SMARCA5: variants seen among roughly 807,000 people sequenced by gnomAD.
SMARCA5 encodes SNF2 related chromatin remodeling ATPase 5.
SMARCA5 carries 18 observed loss-of-function variants against 140.4 expected under a neutral mutation model. That is an observed-to-expected ratio of 0.13 (90% confidence interval 0.09 to 0.19). SMARCA5 has a LOEUF of 0.19. SMARCA5 is among the 10% of genes least tolerant of loss of function. SMARCA5 has a pLI of 1.00. For missense variants in SMARCA5, 606 were observed against 1,276.8 expected, an observed-to-expected ratio of 0.47 and a Z score of 8.01; for synonymous variants, 449 against 419.6, an observed-to-expected ratio of 1.07 and a Z score of -0.86.
At position 143,553,511 on chromosome 4, in the gene SMARCA5, T is replaced by TA. The variant is rs1286684650; in HGVS notation, c.*332dup. The TA allele has an allele frequency of 2.3e-5, 5 of 213,050 alleles. No individual in the cohort carries two copies. Among genetic ancestry groups the TA allele is most frequent in the Non-Finnish European group, 2.8e-5 (3 of 106,878 alleles). 13.2% of individuals were successfully genotyped at this position (213,050 alleles called of 1,614,324 possible). On this transcript the variant is annotated 3_prime_UTR_variant, in exon 24 of 24. Transcript: ENST00000283131. ...CTATAATTTCTACACTTGTAAGGCT[T>TA]AAAAACAAGTTAAAAAGAAAATTGC...
chr4:143,516,762 G>A (rs1222917414), intron 1 of SMARCA5, among the ~76,000 whole-genome samples: 2 of 152,154 alleles, frequency 1.3e-5, no homozygotes, highest in Non-Finnish European at 2.9e-5. Flanking sequence ...GAACTTTGCA[G>A]TGTAGAAGTT....
chr4:143,538,475 G>GGTCGTCGTATCAT, intron 11 of SMARCA5, 115 bp from the exon 12 acceptor site: 1 of 825,996 alleles, frequency 1.2e-6, no homozygotes, highest in Non-Finnish European at 1.9e-6. Flanking sequence ...TTTCCCCCTT[G>GGTCGTCGTATCAT]TAACCAAGTA....
intron 9 of SMARCA5, among the ~76,000 whole-genome samples, chr4:143,531,759 C>T (rs1466714355): frequency 6.6e-6 from 1 of 152,228 alleles, no homozygotes; most frequent in Non-Finnish European, 1.5e-5. Context: ...ACCCCACTGT[C>T]AGTTTTCTGT....
rs1222859240 is a variant in SMARCA5, at chr4:143,513,772, GCC to G, written c.-151_-150del. The G allele has an allele frequency of 3.6e-6, 3 of 834,698 alleles. No homozygotes were observed. Among genetic ancestry groups the G allele is most frequent in the South Asian group, 3.4e-5 (2 of 59,034 alleles). The allele number at this position is 834,698 out of a possible 1,614,324, so 51.7% of individuals were successfully genotyped here. A position where few individuals can be genotyped will look rare whatever the true frequency, so the allele number is the denominator to read the frequency against. ...TGTGCAGCTCCTGGGCCCGGCTCAG[GCC>G]CGTCGCGGAGGCGCGGCGCAGGGGA... On this transcript the variant is annotated 5_prime_UTR_variant, in exon 1 of 24. Coordinates refer to ENST00000283131, the MANE Select transcript of SMARCA5 (RefSeq NM_003601.4).
chr4:143,531,923 T>C (rs1466184378), intron 9 of SMARCA5, among the ~76,000 whole-genome samples: 1 of 152,210 alleles, frequency 6.6e-6, no homozygotes, highest in East Asian at 1.9e-4. Context: ...TGCCCTTCTG[T>C]GTATTCCATC....
chr4:143,542,561 C>T (rs1308703013), intron 14 of SMARCA5, among the ~76,000 whole-genome samples: 2 of 152,034 alleles, frequency 1.3e-5, no homozygotes, highest in Non-Finnish European at 2.9e-5. Flanking sequence ...ATTATGGGTC[C>T]CAAACCATGA....
At chr4:143,535,103 G>A (rs555370616) in intron 10 of SMARCA5, 139 bp downstream of exon 10, 21 of 600,302 alleles carry the variant, frequency 3.5e-5, no homozygotes, top group East Asian at 9.0e-5. Context: ...TTCTTGTCAC[G>A]TAGTATAGGA....
chr4:143,529,661 G>A lies in SMARCA5; in HGVS notation c.1090-797G>A, dbSNP rs76340418. On this transcript the variant is annotated intron_variant, in intron 8 of 23. Transcript: ENST00000283131. ...TTGAAGCTTTGTTTGCATAGCTGGC[G>A]TCTTATGTGTATTGGAGGGATTTGA... 7.2e-5 allele frequency among the ~76,000 whole-genome samples: 11 copies of A among 152,184 alleles called. No homozygotes were observed. In the East Asian group the frequency reaches 7.7e-4, roughly 11 times the overall value.
At chr4:143,526,250 A>C in intron 5 of SMARCA5, 31 bp from the exon 6 acceptor site, 1 of 1,563,962 alleles carries the variant, frequency 6.4e-7, no homozygotes, top group African/African-American at 1.4e-5. Flanking sequence ...TTCATTTTTC[A>C]CTGCTTCATG....
intron 8 of SMARCA5, among the ~76,000 whole-genome samples, chr4:143,529,902 T>C (rs896331771): frequency 1.3e-5 from 2 of 152,218 alleles, no homozygotes; most frequent in Non-Finnish European, 2.9e-5. Context: ...TCATTTACTT[T>C]AAAGCAGTGA....
At chr4:143,517,776 C>A (rs1413385427) in intron 2 of SMARCA5, among the ~76,000 whole-genome samples, 1 of 152,132 alleles carries the variant, frequency 6.6e-6, no homozygotes, top group African/African-American at 2.4e-5. Context: ...CCCTACCTCC[C>A]AACACTGTTG....
chr4:143,547,932 G>T lies in SMARCA5; in HGVS notation c.2777G>T (p.Gly926Val). The change falls in exon 22 of 24, where the codon GGA (glycine) becomes GTA (valine). Residue 926 changes from glycine (G) to valine (V), a missense_variant. Transcript: ENST00000283131. ...TATAAAATCTGACTTTCATAGATTG[G>T]ACGGTACAAAGCACCTTTTCATCAG... ...SIKKALDTKI[G>V]RYKAPFHQLR... 1 of 1,565,836 alleles carries T rather than the reference G, an allele frequency of 6.4e-7. No individual in the cohort carries two copies. The highest frequency in any genetic ancestry group is 1.2e-5 in the South Asian group (1 of 86,088).
chr4:143,525,431 T>A lies in SMARCA5; in HGVS notation c.521-20T>A. Reference sequence around the variant, plus strand: ...ATTTCTTGTCTTAAAATGCCTATTGTGCTTTTCTTTTGTTCTTAGATGTAA... The same window carrying A: ...ATTTCTTGTCTTAAAATGCCTATTGAGCTTTTCTTTTGTTCTTAGATGTAA... On this transcript the variant is annotated intron_variant, in intron 4 of 23. Coordinates refer to ENST00000283131, the MANE Select transcript of SMARCA5 (RefSeq NM_003601.4). The A allele has an allele frequency of 3.4e-6, 5 of 1,476,402 alleles. No individual in the cohort carries two copies. The highest frequency in any genetic ancestry group is 4.7e-6 in the Non-Finnish European group (5 of 1,054,940). The allele number at this position is 1,476,402 out of a possible 1,614,324, so 91.5% of individuals were successfully genotyped here.
intron 9 of SMARCA5, among the ~76,000 whole-genome samples, chr4:143,532,366 T>A (rs1294754565): frequency 1.3e-5 from 2 of 152,204 alleles, no homozygotes; most frequent in African/African-American, 4.8e-5. Context: ...TCCTCTGCTC[T>A]TGGCTTTCCT....
intron 2 of SMARCA5, among the ~76,000 whole-genome samples, chr4:143,518,003 ACAC>A (rs909112700): frequency 7.8e-4 from 119 of 152,302 alleles, no homozygotes; most frequent in African/African-American, 2.8e-3. Flanking sequence ...TATGTTAACA[ACAC>A]CTTTAAAAAT....
chr4:143,527,624 CT>C (rs1737101571), intron 6 of SMARCA5, among the ~76,000 whole-genome samples: 1 of 152,120 alleles, frequency 6.6e-6, no homozygotes, highest in Non-Finnish European at 1.5e-5. Context: ...TTTTAAGTGT[CT>C]ATTGAATTTT....
At chr4:143,517,306 G>T in intron 1 of SMARCA5, 49 bp from the exon 2 acceptor site, 1 of 1,382,706 alleles carries the variant, frequency 7.2e-7, no homozygotes, top group South Asian at 1.3e-5. Flanking sequence ...ATAATGGTAT[G>T]TTTACTATTT....
rs1736868757 is a variant in SMARCA5, at chr4:143,517,688, C to CTT, written c.252+262_252+263dup. On this transcript the variant is annotated intron_variant, in intron 2 of 23. Coordinates refer to ENST00000283131, the MANE Select transcript of SMARCA5 (RefSeq NM_003601.4). Reference sequence around the variant, plus strand: ...AGAGAGCAAGACAGGACTGAACTTTCTTTTATAACAAGCTCACTGGTGATA... The same window carrying CTT: ...AGAGAGCAAGACAGGACTGAACTTTCTTTTTTATAACAAGCTCACTGGTGATA... Among the ~76,000 whole-genome samples, 3 of 152,246 alleles carry CTT rather than the reference C, an allele frequency of 2.0e-5. No individual in the cohort carries two copies. The South Asian group carries it at 6.2e-4, about 32-fold the overall frequency.
Position 143,521,640 on chromosome 4 carries a change from G to A in SMARCA5, c.419+45G>A, listed in dbSNP as rs539764519. ...TCATAGTTCAACCAAACTTATTTTCGATAGTCTTCAGTGGAAGCATAAAAT... is the reference window on the plus strand; with the variant it reads ...TCATAGTTCAACCAAACTTATTTTCAATAGTCTTCAGTGGAAGCATAAAAT... On this transcript the variant is annotated intron_variant, in intron 3 of 23. Transcript: ENST00000283131. 3.1e-5 allele frequency: 47 copies of A among 1,499,802 alleles called. No homozygotes were observed. The South Asian group carries it at 4.9e-4, about 16-fold the overall frequency. 92.9% of individuals were successfully genotyped at this position (1,499,802 alleles called of 1,614,324 possible).
Sources: gnomAD v4.1 joint callset for allele counts (sites outside exome capture counted in the v4.1 genomes callset) on GRCh38, gnomAD v4.1.1 for gene constraint, MANE v1.5 for transcripts, NCBI Gene and HGNC (gene_info 2026-07-23, HGNC 2026-07-21) for gene names.